Variants in KRABD5 observed in about 807,000 individuals in gnomAD.
KRABD5 encodes the protein KRAB domain containing 5, also known as KRAB domain-containing protein 5.
At chr16:31,714,104 G>T in the KRABD5 span, among the ~76,000 whole-genome samples, 2 of 152,108 alleles carry the variant, frequency 1.3e-5, no homozygotes, top group Non-Finnish European at 2.9e-5. Flanking sequence ...TGTGACAGTG[G>T]ATATCTGTGT....
chr16:31,723,863 G>T, the KRABD5 span, among the ~76,000 whole-genome samples: 6 of 152,056 alleles, frequency 3.9e-5, no homozygotes, highest in Non-Finnish European at 8.8e-5. Context: ...CAAAAATTGA[G>T]ACTCAGTAAT....
the KRABD5 span, chr16:31,755,880 C>T: frequency 9.6e-6 from 2 of 208,668 alleles, no homozygotes; most frequent in Non-Finnish European, 2.0e-5. Context: ...AGGACTAAAG[C>T]ACAGATCCCC....
At chr16:31,754,019 A>C in the KRABD5 span, 1 of 1,254,148 alleles carries the variant, frequency 8.0e-7, no homozygotes, top group Non-Finnish European at 1.1e-6. Context: ...AATTTATGTC[A>C]GTTGCTTTTT....
the KRABD5 span, among the ~76,000 whole-genome samples, chr16:31,717,862 A>G: frequency 6.6e-6 from 1 of 152,084 alleles, no homozygotes. Flanking sequence ...TGCCCCGAAA[A>G]TCTGCAGGCA....
the KRABD5 span, among the ~76,000 whole-genome samples, chr16:31,720,658 G>C: frequency 6.6e-6 from 1 of 152,164 alleles, no homozygotes; most frequent in African/African-American, 2.4e-5. Flanking sequence ...CGTGAGCATT[G>C]ATACCAATTC....
At chr16:31,718,694 G>A in the KRABD5 span, among the ~76,000 whole-genome samples, 15 of 152,116 alleles carry the variant, frequency 9.9e-5, no homozygotes, top group Admixed American at 9.8e-4. Context: ...AATACTACAC[G>A]TGGATCCAGA....
chr16:31,739,142 CTTT>C, the KRABD5 span, among the ~76,000 whole-genome samples: 5 of 152,114 alleles, frequency 3.3e-5, no homozygotes, highest in African/African-American at 1.2e-4. Flanking sequence ...TACCAGAACA[CTTT>C]ATATTTTTAT....
At chr16:31,738,583 T>G in the KRABD5 span, among the ~76,000 whole-genome samples, 1 of 152,172 alleles carries the variant, frequency 6.6e-6, no homozygotes, top group Non-Finnish European at 1.5e-5. Flanking sequence ...GATCTAAAGT[T>G]GGTTTTCCCT....
the KRABD5 span, among the ~76,000 whole-genome samples, chr16:31,742,169 A>AT: frequency 3.0e-4 from 41 of 138,000 alleles, no homozygotes; most frequent in Middle Eastern, 0.014. Flanking sequence ...TTTAAAAAAA[A>AT]TTTTTTGTTT....
At chr16:31,725,897 A>C in the KRABD5 span, among the ~76,000 whole-genome samples, 1 of 152,192 alleles carries the variant, frequency 6.6e-6, no homozygotes, top group Non-Finnish European at 1.5e-5. Context: ...ATTTTCTCCC[A>C]GTCCTTAGGC....
chr16:31,713,312 T>C, the KRABD5 span: 3 of 1,386,986 alleles, frequency 2.2e-6, no homozygotes, highest in Admixed American at 6.0e-5. Flanking sequence ...TCCCAGTCCT[T>C]CCATCTGGGA....
chr16:31,745,263 A>G, the KRABD5 span, among the ~76,000 whole-genome samples: 1 of 152,176 alleles, frequency 6.6e-6, no homozygotes, highest in African/African-American at 2.4e-5. Flanking sequence ...ATTTAGTGCT[A>G]TAAATTTCCC....
chr16:31,728,662 A>G, the KRABD5 span, among the ~76,000 whole-genome samples: 1 of 152,208 alleles, frequency 6.6e-6, no homozygotes. Flanking sequence ...AAAACTTGAT[A>G]TAATTTTAAT....
the KRABD5 span, among the ~76,000 whole-genome samples, chr16:31,736,497 A>G: frequency 1.4e-5 from 2 of 145,656 alleles, no homozygotes; most frequent in Non-Finnish European, 3.0e-5. Flanking sequence ...TTTGGGTAAC[A>G]TGCCCATTTT....
the KRABD5 span, chr16:31,755,310 A>C: frequency 3.9e-6 from 2 of 507,778 alleles, no homozygotes; most frequent in South Asian, 2.9e-5. Flanking sequence ...AAATGCAAAG[A>C]ATGTGGCAAA....
chr16:31,727,098 A>G, the KRABD5 span, among the ~76,000 whole-genome samples: 1 of 152,208 alleles, frequency 6.6e-6, no homozygotes, highest in Non-Finnish European at 1.5e-5. Context: ...TTGTTAGTAT[A>G]TAGAAATGCA....
the KRABD5 span, among the ~76,000 whole-genome samples, chr16:31,723,557 C>T: frequency 2.6e-5 from 4 of 152,238 alleles, no homozygotes; most frequent in Non-Finnish European, 4.4e-5. Context: ...CCTTACCCTT[C>T]TGTGATCCAC....
chr16:31,721,883 T>A, the KRABD5 span, among the ~76,000 whole-genome samples: 1 of 152,154 alleles, frequency 6.6e-6, no homozygotes, highest in African/African-American at 2.4e-5. Context: ...GCCCCAGATC[T>A]CCTGAATCAG....
At chr16:31,752,352 G>C in the KRABD5 span, among the ~76,000 whole-genome samples, 1 of 151,990 alleles carries the variant, frequency 6.6e-6, no homozygotes, top group Non-Finnish European at 1.5e-5. Flanking sequence ...CTGCCTCAGG[G>C]ATCTAATGAT....
Sources: gnomAD v4.1 joint callset for allele counts (sites outside exome capture counted in the v4.1 genomes callset) on GRCh38, gnomAD v4.1.1 for gene constraint, MANE v1.5 for transcripts, NCBI Gene and HGNC (gene_info 2026-07-23, HGNC 2026-07-21) for gene names.